Variants in CFAP46 observed in about 807,000 individuals in gnomAD.
CFAP46 encodes the protein cilia- and flagella-associated protein 46.
Under a neutral mutation model 325.7 loss-of-function variants are expected in CFAP46, and 245 were observed. The ratio of observed to expected loss-of-function variants is 0.75; its 90% CI spans 0.68 to 0.84. The LOEUF is 0.84. CFAP46 is among the 40% of genes least tolerant of loss of function. The pLI, the probability that CFAP46 is intolerant of heterozygous loss-of-function variation, is 0.00. For missense variants in CFAP46, 3,346 were observed against 3,543.0 expected, an observed-to-expected ratio of 0.94 and a Z score of 1.41; for synonymous variants, 1,523 against 1,495.9, an observed-to-expected ratio of 1.02 and a Z score of -0.42.
At chr10:132,920,918 G>T (rs1355234473) in intron 13 of CFAP46, among the ~76,000 whole-genome samples, 1 of 152,252 alleles carries the variant, frequency 6.6e-6, no homozygotes, top group Non-Finnish European at 1.5e-5. Flanking sequence ...GAGTCAGGAA[G>T]GCAAAACAGG....
At chr10:132,826,009 C>T (rs555993237) in intron 50 of CFAP46, among the ~76,000 whole-genome samples, 7 of 146,900 alleles carry the variant, frequency 4.8e-5, no homozygotes, top group South Asian at 2.2e-4. Flanking sequence ...AGACCAGCCA[C>T]GGAGCCAGGC....
rs534850251 is a variant in CFAP46, at chr10:132,869,869, C to A, written c.4512-497G>T. On this transcript the variant is annotated intron_variant, in intron 32 of 57. Transcript: ENST00000368586. This position sits in a 1 kb window ranked among gnomAD's most constrained non-coding sequence, Gnocchi z 6.2. The stretch of plus-strand genomic sequence containing the variant: ...GGGATATCTGAGCAAGCTGAGGATG[C>A]AACTTGCAGCCTTTCTCCCGGATCC... Among the ~76,000 whole-genome samples, 1 of 152,314 alleles carries A rather than the reference C, an allele frequency of 6.6e-6. No homozygotes were observed. The highest frequency in any genetic ancestry group is 1.5e-5 in the Non-Finnish European group (1 of 68,022).
intron 15 of CFAP46, among the ~76,000 whole-genome samples, chr10:132,918,980 G>A (rs111779551): frequency 0.02 from 2,972 of 152,268 alleles, 92 homozygotes; most frequent in African/African-American, 0.067. Flanking sequence ...CCCGCTCCAC[G>A]CTGGGCCTGT....
chr10:132,888,357 C>T (rs61862357), intron 25 of CFAP46, among the ~76,000 whole-genome samples: 3 of 88,366 alleles, frequency 3.4e-5, no homozygotes, highest in African/African-American at 6.3e-5. Flanking sequence ...TCACCCCTGC[C>T]GCCTGCACCT....
At chr10:132,831,427 T>C (rs1848145232) in intron 50 of CFAP46, among the ~76,000 whole-genome samples, 1 of 152,152 alleles carries the variant, frequency 6.6e-6, no homozygotes, top group African/African-American at 2.4e-5. Flanking sequence ...GGGATGTTAA[T>C]CGATGTACAG....
chr10:132,877,733 A>G lies in CFAP46; in HGVS notation c.4212+148T>C. ...CTGGGGCTCCTCCGAGAACCCTGAC[A>G]GGCAGGGAAACTGAGGCACAGGCCA... On this transcript the variant is annotated intron_variant, in intron 30 of 57. Coordinates refer to ENST00000368586, the MANE Select transcript of CFAP46 (RefSeq NM_001200049.3). This position sits in a 1 kb window ranked among gnomAD's most constrained non-coding sequence, Gnocchi z 5.7. The G allele has an allele frequency of 1.2e-6, 1 of 801,830 alleles. No homozygotes were observed. Among genetic ancestry groups the G allele is most frequent in the Non-Finnish European group, 2.0e-6 (1 of 512,398 alleles). The allele number at this position is 801,830 out of a possible 1,614,324, so 49.7% of individuals were successfully genotyped here. A position where few individuals can be genotyped will look rare whatever the true frequency, so the allele number is the denominator to read the frequency against.
chr10:132,940,335 C>T (rs997704465), intron 4 of CFAP46, among the ~76,000 whole-genome samples: 1 of 152,076 alleles, frequency 6.6e-6, no homozygotes, highest in East Asian at 2.0e-4. Flanking sequence ...CAAGCTTGCA[C>T]AAAACTGATT....
intron 31 of CFAP46, among the ~76,000 whole-genome samples, chr10:132,873,281 A>G (rs1447748861): frequency 1.2e-4 from 18 of 152,244 alleles, no homozygotes; most frequent in Admixed American, 1.2e-3. Flanking sequence ...GGAAATTAGG[A>G]AAGTTGGATG....
chr10:132,937,153 C>T (rs1850021015), intron 6 of CFAP46, 98 bp from the exon 7 acceptor site: 1 of 657,060 alleles, frequency 1.5e-6, no homozygotes, highest in Non-Finnish European at 2.3e-6. Flanking sequence ...AATTTTGTAT[C>T]TAGCTTTTCA....
At chr10:132,839,997 A>G (rs1362729134) in intron 44 of CFAP46, among the ~76,000 whole-genome samples, 1 of 152,200 alleles carries the variant, frequency 6.6e-6, no homozygotes, top group East Asian at 1.9e-4. Flanking sequence ...TCTTAGTAAA[A>G]GAGGAAGTTG....
At position 132,938,512 on chromosome 10, in the gene CFAP46, C is replaced by G. The variant is rs969792633; in HGVS notation, c.536+77G>C. ...TGATGTGGAACTCCCGTCCCCCCCCCGGAGAAGGGGTGGTGGCCTCAGAGC... is the reference window on the plus strand; with the variant it reads ...TGATGTGGAACTCCCGTCCCCCCCCGGGAGAAGGGGTGGTGGCCTCAGAGC... On this transcript the variant is annotated intron_variant, in intron 5 of 57. Transcript: ENST00000368586. 8.1e-6 allele frequency: 11 copies of G among 1,350,716 alleles called. No homozygotes were observed. The South Asian group carries it at 1.2e-4, about 14-fold the overall frequency. The allele number at this position is 1,350,716 out of a possible 1,614,324, so 83.7% of individuals were successfully genotyped here. A position where few individuals can be genotyped will look rare whatever the true frequency, so the allele number is the denominator to read the frequency against.
At position 132,885,914 on chromosome 10, in the gene CFAP46, A is replaced by G; in HGVS notation, c.3350T>C (p.Leu1117Pro). 1 of 1,550,186 alleles carries G rather than the reference A, an allele frequency of 6.5e-7. No individual in the cohort carries two copies. The highest frequency in any genetic ancestry group is 1.2e-5 in the South Asian group (1 of 84,050). ...LALRAALYGL[L>P]FHSHADQDDW... is the part of the protein sequence containing the mutation. Reference sequence around the variant, plus strand: ...GTCCTGGTCGGCATGGCTGTGGAAGAGCAGGCCGTAGAGCGCAGCACGGAG... The same window carrying G: ...GTCCTGGTCGGCATGGCTGTGGAAGGGCAGGCCGTAGAGCGCAGCACGGAG... The change falls in exon 26 of 58, where the codon CTC (leucine) becomes CCC (proline). Residue 1117 changes from leucine (L) to proline (P), a missense_variant. Transcript: ENST00000368586.
Position 132,876,874 on chromosome 10 carries a change from G to A in CFAP46, c.4300C>T (p.Leu1434=), listed in dbSNP as rs1489942680. The change falls in exon 31 of 58, where the codon CTG becomes TTG. Residue 1434 remains leucine (L), a synonymous_variant. Coordinates refer to ENST00000368586, the MANE Select transcript of CFAP46 (RefSeq NM_001200049.3). This position sits in a 1 kb window ranked among gnomAD's most constrained non-coding sequence, Gnocchi z 4.1. The part of the protein sequence containing the change: ...WASYSCPEEV[L]SVLKQDRSDS... ...CTTCTGTCCTGTTTCAGTACAGACA[G>A]CACTTCCTCGGGGCAGGAGTAGGAA... 6.4e-7 allele frequency: 1 copy of A among 1,550,552 alleles called. No homozygotes were observed. The highest frequency in any genetic ancestry group is 2.0e-5 in the Admixed American group (1 of 51,012).
In CFAP46 at chr10:132,910,042, G is replaced by A. The variant is rs1323973674; in HGVS notation, c.2526C>T (p.Thr842=). 14 of 1,523,156 alleles carry A rather than the reference G, an allele frequency of 9.2e-6. No homozygotes were observed. The highest frequency in any genetic ancestry group is 3.4e-4 in the Middle Eastern group (2 of 5,908). 94.4% of individuals were successfully genotyped at this position (1,523,156 alleles called of 1,614,324 possible). A position where few individuals can be genotyped will look rare whatever the true frequency, so the allele number is the denominator to read the frequency against. Residue 842 remains threonine, a synonymous_variant, in exon 20 of 58, where the codon ACC becomes ACT. Coordinates refer to ENST00000368586, the MANE Select transcript of CFAP46 (RefSeq NM_001200049.3). The part of the protein sequence containing the change: ...VEVCEFALNL[T]NGSAPEETVP... ...CCGTCTCCTCGGGCGCACTCCCATT[G>A]GTCAGGTTCAGGGCAAACTCGCAGA...
chr10:132,885,765 G>GGGGGAGCACTCACAGGCGGTGT, intron 26 of CFAP46, 56 bp downstream of exon 26: 3 of 1,480,532 alleles, frequency 2.0e-6, no homozygotes, highest in Non-Finnish European at 2.7e-6. Flanking sequence ...ACAGGCGGTG[G>GGGGGAGCACTCACAGGCGGTGT]GGGGAGCACT....
chr10:132,878,479 G>A (rs1337777938), intron 29 of CFAP46, among the ~76,000 whole-genome samples: 1 of 152,132 alleles, frequency 6.6e-6, no homozygotes. Flanking sequence ...TCCTTGGCAG[G>A]CCCTGCGGGC....
intron 56 of CFAP46, 158 bp downstream of exon 56, chr10:132,810,792 C>A: frequency 1.3e-6 from 1 of 779,494 alleles, no homozygotes; most frequent in Non-Finnish European, 2.2e-6. Flanking sequence ...CATGCACAGC[C>A]ACACCTCGCC....
chr10:132,847,353 T>G lies in CFAP46; in HGVS notation c.5953-32A>C. On this transcript the variant is annotated intron_variant, in intron 41 of 57. Coordinates refer to ENST00000368586, the MANE Select transcript of CFAP46 (RefSeq NM_001200049.3). The surrounding 1 kb of genome is among the most constrained non-coding windows in gnomAD (Gnocchi z 5.2). ...CACACATTGCAGGTTGGCAGACACT[T>G]CTGGGTTCCTGCTTGGTCGGCGTGG... 1 of 1,609,798 alleles carries G rather than the reference T, an allele frequency of 6.2e-7. No homozygotes were observed. Among genetic ancestry groups the G allele is most frequent in the Non-Finnish European group, 8.5e-7 (1 of 1,177,306 alleles).
intron 11 of CFAP46, among the ~76,000 whole-genome samples, chr10:132,923,907 G>A (rs779855122): frequency 2.6e-5 from 4 of 152,276 alleles, no homozygotes; most frequent in African/African-American, 9.6e-5. Flanking sequence ...GAAGCCAATA[G>A]AGAAAACTAA....
Sources: gnomAD v4.1 joint callset for allele counts (sites outside exome capture counted in the v4.1 genomes callset) on GRCh38, gnomAD v4.1.1 for gene constraint, Gnocchi (gnomAD v3.1) non-coding constraint, MANE v1.5 for transcripts, NCBI Gene and HGNC (gene_info 2026-07-23, HGNC 2026-07-21) for gene names.